The following TENM3 variants were observed in gnomAD, a reference collection of about 807,000 sequenced individuals.
The protein encoded by TENM3 is teneurin transmembrane protein 3, also known as teneurin-3.
TENM3 carries 63 observed loss-of-function variants against 255.1 expected under a neutral mutation model. The ratio of observed to expected loss-of-function variants is 0.25; its 90% CI spans 0.20 to 0.30. The LOEUF (loss-of-function observed/expected upper bound fraction) is 0.30. TENM3 is among the 10% of genes least tolerant of loss of function. TENM3 has a pLI of 1.00. For missense variants in TENM3, 2,929 were observed against 3,461.1 expected (o/e 0.85, Z 3.86); for synonymous variants, 1,306 against 1,322.3 (o/e 0.99, Z 0.27).
intron 1 of TENM3, among the ~76,000 whole-genome samples, chr4:182,206,503 G>C (rs528162871): frequency 1.3e-5 from 2 of 152,074 alleles, no homozygotes; most frequent in Non-Finnish European, 2.9e-5. Context: ...GAATGCCTTC[G>C]CCCTACCCGC....
At chr4:182,114,863 T>C in the TENM3 span, among the ~76,000 whole-genome samples, 7 of 152,286 alleles carry the variant, frequency 4.6e-5, no homozygotes, top group African/African-American at 1.2e-4. Flanking sequence ...ATTTTATTTT[T>C]TAAAATAGGG....
At chr4:182,450,956 C>T (rs1256754466) in intron 3 of TENM3, among the ~76,000 whole-genome samples, 1 of 152,160 alleles carries the variant, frequency 6.6e-6, no homozygotes, top group African/African-American at 2.4e-5. Context: ...TGACTAGTTT[C>T]TTAACCTGTT....
the TENM3 span, among the ~76,000 whole-genome samples, chr4:181,855,103 T>C: frequency 2.0e-5 from 3 of 152,180 alleles, no homozygotes; most frequent in Admixed American, 1.3e-4. Context: ...ATAACGTTGA[T>C]GCAATATTAT....
chr4:182,075,460 A>C, the TENM3 span, among the ~76,000 whole-genome samples: 1 of 152,092 alleles, frequency 6.6e-6, no homozygotes, highest in Non-Finnish European at 1.5e-5. Flanking sequence ...GGCCTCCCAA[A>C]GTGCTGGGAT....
chr4:181,866,006 T>A, the TENM3 span, among the ~76,000 whole-genome samples: 1 of 152,326 alleles, frequency 6.6e-6, no homozygotes, highest in South Asian at 2.1e-4. Context: ...TTTCTTTAAA[T>A]CCATAGGTCT....
chr4:181,467,089 G>GTATATATA, the TENM3 span, among the ~76,000 whole-genome samples: 4 of 64,418 alleles, frequency 6.2e-5, no homozygotes, highest in African/African-American at 3.7e-4. Flanking sequence ...GTGTGCGTGT[G>GTATATATA]TGTGTGTGTG....
chr4:182,775,696 G>C (rs1308332717), intron 24 of TENM3, among the ~76,000 whole-genome samples: 2 of 152,168 alleles, frequency 1.3e-5, no homozygotes, highest in Non-Finnish European at 2.9e-5. Flanking sequence ...CCTGTTCTCA[G>C]ATGCAGGACT....
chr4:182,635,649 A>G (rs914545818), intron 5 of TENM3, among the ~76,000 whole-genome samples: 5 of 152,174 alleles, frequency 3.3e-5, no homozygotes, highest in African/African-American at 1.2e-4. Context: ...ATATGTAGTT[A>G]TTTATTTCCT....
chr4:181,954,890 G>A, the TENM3 span, among the ~76,000 whole-genome samples: 1 of 152,062 alleles, frequency 6.6e-6, no homozygotes, highest in Non-Finnish European at 1.5e-5. Context: ...TTTATAGTTT[G>A]TTATAAGGCA....
chr4:182,621,716 T>TATATTATATATAAAATATATAATAC (rs1561016468), intron 4 of TENM3, among the ~76,000 whole-genome samples: 13 of 19,590 alleles, frequency 6.6e-4, no homozygotes, highest in African/African-American at 1.5e-3. Context: ...ATATATAATA[T>TATATTATATATAAAATATATAATAC]ATATTATATA....
At chr4:182,043,560 A>G in the TENM3 span, among the ~76,000 whole-genome samples, 1 of 152,198 alleles carries the variant, frequency 6.6e-6, no homozygotes. Flanking sequence ...TCAAATGTGA[A>G]TCATTACACA....
chr4:181,997,390 A>C, the TENM3 span, among the ~76,000 whole-genome samples: 30 of 152,324 alleles, frequency 2.0e-4, no homozygotes, highest in African/African-American at 7.0e-4. Context: ...ATGTACATAC[A>C]TGTACTTATT....
At chr4:182,524,561 A>G (rs764414619) in intron 3 of TENM3, among the ~76,000 whole-genome samples, 1 of 151,538 alleles carries the variant, frequency 6.6e-6, no homozygotes, top group Non-Finnish European at 1.5e-5. Flanking sequence ...GAGTTTTGCT[A>G]TGTTGCCAGA....
intron 12 of TENM3, among the ~76,000 whole-genome samples, chr4:182,709,833 CGG>C (rs1280763264): frequency 5.9e-5 from 9 of 152,034 alleles, no homozygotes; most frequent in Non-Finnish European, 1.2e-4. Context: ...ATTTTTCTTA[CGG>C]TTGGTTTTTA....
chr4:182,070,401 T>C, the TENM3 span, among the ~76,000 whole-genome samples: 5 of 152,144 alleles, frequency 3.3e-5, no homozygotes, highest in Admixed American at 3.3e-4. Context: ...GGTGGATCAC[T>C]CGAGGTCGGG....
the TENM3 span, among the ~76,000 whole-genome samples, chr4:181,539,168 A>G: frequency 6.6e-6 from 1 of 152,214 alleles, no homozygotes; most frequent in Non-Finnish European, 1.5e-5. Context: ...ATTTTTCTTC[A>G]GCATTGGAAG....
At chr4:181,933,378 T>G in the TENM3 span, among the ~76,000 whole-genome samples, 477 of 152,334 alleles carry the variant, frequency 3.1e-3, 3 homozygotes, top group African/African-American at 0.011. Context: ...TAAATGCATC[T>G]GCCTTGAAAT....
chr4:181,775,789 T>G, the TENM3 span, among the ~76,000 whole-genome samples: 1 of 152,160 alleles, frequency 6.6e-6, no homozygotes. Flanking sequence ...GTATTATTTT[T>G]ATTGATGCAT....
At position 182,729,057 on chromosome 4, in the gene TENM3, A is replaced by G. The variant is rs772529564; in HGVS notation, c.2461A>G (p.Ile821Val). The change falls in exon 14 of 28, where the codon ATC (isoleucine) becomes GTC (valine). Residue 821 changes from isoleucine (I) to valine (V), a missense_variant. By Grantham distance (29) the Ile-to-Val change is conservative (BLOSUM62 3). Around this residue, in one of 6 missense-constraint regions of TENM3, gnomAD observed 1,608 missense variants for 1,884.4 expected, o/e 0.85. Coordinates refer to ENST00000511685, the MANE Select transcript of TENM3 (RefSeq NM_001080477.4). The part of the protein sequence containing the change: ...YCRGLPDPQD[I>V]ISQSLQSPSQ... The stretch of plus-strand genomic sequence containing the variant: ...TCGGGGACTGCCGGATCCTCAGGAC[A>G]TCATTAGCCAAAGCCTTCAATCGCC... 2.4e-5 allele frequency: 38 copies of G among 1,613,882 alleles called. No individual in the cohort carries two copies. The highest frequency in any genetic ancestry group is 1.3e-5 in the Non-Finnish European group (15 of 1,179,900).
Sources: allele counts gnomAD v4.1 joint callset (sites outside exome capture counted in the v4.1 genomes callset), GRCh38; gene constraint gnomAD v4.1.1; regional missense constraint gnomAD v4.1.1; transcripts MANE v1.5; gene names NCBI Gene and HGNC (gene_info 2026-07-23, HGNC 2026-07-21).